KCTD5: variants seen among roughly 807,000 people sequenced by gnomAD.
The protein encoded by KCTD5 is potassium channel tetramerization domain containing 5.
KCTD5 carries 12 observed loss-of-function variants against 27.9 expected under a neutral mutation model. The observed-to-expected ratio is 0.43, with a 90% CI of 0.28 to 0.70. The LOEUF is 0.70. Among genes scored for constraint, KCTD5 ranks in the 30% least tolerant of loss-of-function variants. The pLI is 0.19. For missense variants in KCTD5, 226 were observed against 274.8 expected, an observed-to-expected ratio of 0.82 and a Z score of 1.26; for synonymous variants, 147 against 121.4, an observed-to-expected ratio of 1.21 and a Z score of -1.39.
At chr16:2,700,038 G>T in intron 4 of KCTD5, 122 bp downstream of exon 4, 1 of 907,862 alleles carries the variant, frequency 1.1e-6, no homozygotes. Context: ...TGCAGTTCTG[G>T]GGGTGCTCAC....
intron 3 of KCTD5, chr16:2,699,429 G>A (rs1003621670): frequency 1.1e-5 from 4 of 358,980 alleles, no homozygotes; most frequent in South Asian, 2.1e-5. Context: ...AGCGAGCTTC[G>A]TCTGGCACTG....
intron 5 of KCTD5, among the ~76,000 whole-genome samples, chr16:2,705,714 GC>G (rs1373057450): frequency 2.0e-5 from 3 of 152,198 alleles, no homozygotes; most frequent in Non-Finnish European, 4.4e-5. Context: ...AGCCTCAAGG[GC>G]CCCCTGGTTG....
intron 4 of KCTD5, among the ~76,000 whole-genome samples, chr16:2,700,877 G>A (rs759380420): frequency 6.0e-4 from 91 of 151,450 alleles, no homozygotes; most frequent in Non-Finnish European, 1.2e-3. Context: ...GCCGGGGGCC[G>A]GGGTGACTCT....
At chr16:2,697,811 T>TGCAGGG (rs1299831089) in intron 2 of KCTD5, 95 bp from the exon 3 acceptor site, 1 of 871,344 alleles carries the variant, frequency 1.1e-6, no homozygotes, top group Non-Finnish European at 1.9e-6. Context: ...GGGCCCTCAT[T>TGCAGGG]GCAGGGGCAG....
intron 1 of KCTD5, among the ~76,000 whole-genome samples, chr16:2,689,766 G>C (rs7194693): frequency 0.5 from 76,027 of 150,596 alleles, 19,644 homozygotes; most frequent in Middle Eastern, 0.57. Context: ...CAACGGGGCT[G>C]TCAGGTTCAA....
chr16:2,693,508 G>A (rs1468345871), intron 1 of KCTD5, among the ~76,000 whole-genome samples: 2 of 152,358 alleles, frequency 1.3e-5, no homozygotes, highest in South Asian at 4.1e-4. Context: ...TCTTGAGGCC[G>A]AGCCCAGTGC....
At chr16:2,692,545 C>T (rs2067571211) in intron 1 of KCTD5, among the ~76,000 whole-genome samples, 1 of 152,190 alleles carries the variant, frequency 6.6e-6, no homozygotes, top group Non-Finnish European at 1.5e-5. Flanking sequence ...TGTCCTCTGC[C>T]CTGCTCTGGC....
chr16:2,704,905 C>T (rs1460899535), intron 5 of KCTD5, among the ~76,000 whole-genome samples: 1 of 152,234 alleles, frequency 6.6e-6, no homozygotes, highest in Admixed American at 6.5e-5. Context: ...AGGGTTCAGC[C>T]CCTCAGCACA....
intron 1 of KCTD5, among the ~76,000 whole-genome samples, chr16:2,689,633 C>T (rs1268550935): frequency 6.7e-6 from 1 of 149,270 alleles, no homozygotes; most frequent in African/African-American, 2.4e-5. Context: ...CAGAATCTGG[C>T]GTGAGAGCCT....
At chr16:2,691,152 G>A (rs544495254) in intron 1 of KCTD5, among the ~76,000 whole-genome samples, 1 of 152,314 alleles carries the variant, frequency 6.6e-6, no homozygotes, top group South Asian at 2.1e-4. Flanking sequence ...GGGATTTGGG[G>A]GTCCTGGTTT....
Position 2,702,387 on chromosome 16 carries a change from A to G in KCTD5, c.584A>G (p.Asn195Ser), listed in dbSNP as rs2067616135. 1.2e-6 allele frequency: 2 copies of G among 1,613,348 alleles called. No individual in the cohort carries two copies. Among genetic ancestry groups the G allele is most frequent in the African/African-American group, 2.7e-5 (2 of 74,900 alleles). Residue 195 changes from asparagine to serine, a missense_variant, in exon 5 of 6, where the codon AAC becomes AGC. Asn to Ser is a conservative substitution (Grantham distance 46, BLOSUM62 1). This residue lies in a region of KCTD5 where 135 missense variants were observed against 207.0 expected (regional missense o/e 0.65). Transcript: ENST00000301738. ...VSIGSSYNYG[N>S]EDQAEFLCVV... is the part of the protein sequence containing the mutation. ...ATCGGCTCCTCTTACAACTATGGGA[A>G]CGAAGACCAAGCCGAGTTCCTCTGT...
chr16:2,703,801 G>C lies in KCTD5; in HGVS notation c.675+1323G>C, dbSNP rs185720078. Among the ~76,000 whole-genome samples the C allele has an allele frequency of 2.9e-3, 444 of 152,218 alleles. 2 individuals are homozygous for C. The highest frequency in any genetic ancestry group is 0.01 in the African/African-American group (425 of 41,544). Reference sequence around the variant, plus strand: ...GTAGGCTGGGGCAGGCCCTGGTGTGGGACAGCCGGGGTGGAAGCTGGGGTT... The same window carrying C: ...GTAGGCTGGGGCAGGCCCTGGTGTGCGACAGCCGGGGTGGAAGCTGGGGTT... On this transcript the variant is annotated intron_variant, in intron 5 of 5. Transcript: ENST00000301738.
intron 5 of KCTD5, among the ~76,000 whole-genome samples, chr16:2,705,247 C>T (rs1024713691): frequency 1.3e-5 from 2 of 152,186 alleles, no homozygotes; most frequent in African/African-American, 2.4e-5. Flanking sequence ...TTGCCACAGA[C>T]CCTCCCTGTG....
At chr16:2,699,357 C>T in intron 3 of KCTD5, 1 of 377,656 alleles carries the variant, frequency 2.6e-6, no homozygotes, top group South Asian at 1.9e-5. Context: ...AGCAGCTCAG[C>T]CTTCGGGAGG....
At chr16:2,703,831 C>T (rs540785067) in intron 5 of KCTD5, among the ~76,000 whole-genome samples, 4 of 152,110 alleles carry the variant, frequency 2.6e-5, no homozygotes, top group South Asian at 2.1e-4. Flanking sequence ...GGGGTTCCAC[C>T]GCCAGGCTCG....
At chr16:2,687,858 C>CT (rs1353739699) in intron 1 of KCTD5, among the ~76,000 whole-genome samples, 6 of 152,288 alleles carry the variant, frequency 3.9e-5, no homozygotes, top group Non-Finnish European at 7.4e-5. Context: ...AGCAAGCCAT[C>CT]TCTCTCCCAG....
rs1322365939 is a variant in KCTD5 at position 2,701,343 on chromosome 16, G to A, written c.550-1010G>A. 5.3e-5 allele frequency among the ~76,000 whole-genome samples: 8 copies of A among 152,308 alleles called. 1 individual carries two copies. In the South Asian group the frequency reaches 1.0e-3, roughly 20 times the overall value. On this transcript the variant is annotated intron_variant, in intron 4 of 5. Coordinates refer to ENST00000301738, the MANE Select transcript of KCTD5 (RefSeq NM_018992.4). ...AGCCGCTGGGCTGACCAGCTGTCCC[G>A]GCTGTGGGGTGGGACCCTGCGGGGT...
chr16:2,704,864 G>T (rs1360392060), intron 5 of KCTD5, among the ~76,000 whole-genome samples: 1 of 152,216 alleles, frequency 6.6e-6, no homozygotes, highest in Non-Finnish European at 1.5e-5. Context: ...CGCCTGCCAG[G>T]AGTGGGGCCA....
chr16:2,702,307 C>CTCTCAGGCTTCACTGGGCTGCG (rs1567196138), intron 4 of KCTD5, 46 bp from the exon 5 acceptor site: 1 of 1,610,084 alleles, frequency 6.2e-7, no homozygotes. Flanking sequence ...CTGGCTGGGT[C>CTCTCAGGCTTCACTGGGCTGCG]TCTCAGGCTT....
Sources: allele counts gnomAD v4.1 joint callset (sites outside exome capture counted in the v4.1 genomes callset), GRCh38; gene constraint gnomAD v4.1.1; regional missense constraint gnomAD v4.1.1; transcripts MANE v1.5; gene names NCBI Gene and HGNC (gene_info 2026-07-23, HGNC 2026-07-21).